Variants in DUSP4 observed in about 807,000 individuals in gnomAD.
The protein encoded by DUSP4 is dual specificity protein phosphatase 4.
DUSP4 carries 12 observed loss-of-function variants against 27.2 expected under a neutral mutation model. The observed-to-expected ratio is 0.44, with a 90% CI of 0.28 to 0.71. The LOEUF (loss-of-function observed/expected upper bound fraction) is 0.71, where lower values mean the gene tolerates loss of function less well. Ranked by LOEUF, DUSP4 falls within the 30% of genes least tolerant of loss-of-function variation. The pLI is 0.14. For missense variants in DUSP4, 448 were observed against 551.3 expected (o/e 0.81, Z 1.88); for synonymous variants, 257 against 245.2 (o/e 1.05, Z -0.45).
Position 29,336,879 on chromosome 8 carries a change from G to T in DUSP4, c.*147C>A. 8.4e-7 allele frequency: 1 copy of T among 1,187,838 alleles called. No individual in the cohort carries two copies. The highest frequency in any genetic ancestry group is 1.1e-6 in the Non-Finnish European group (1 of 877,216). The allele number at this position is 1,187,838 out of a possible 1,614,324, so 73.6% of individuals were successfully genotyped here. On this transcript the variant is annotated 3_prime_UTR_variant, in exon 4 of 4. Transcript: ENST00000240100. ...ATTCGGAGTCCTTATTGCCATTCTG[G>T]CTGGCCTCGTCGTTGGCCAAGGAGA... is the stretch of plus-strand genomic sequence containing the variant.
At chr8:29,341,923 A>G (rs1457684680) in intron 1 of DUSP4, among the ~76,000 whole-genome samples, 1 of 152,194 alleles carries the variant, frequency 6.6e-6, no homozygotes, top group Non-Finnish European at 1.5e-5. Context: ...TTGTTACTCT[A>G]TATACTTCTC....
chr8:29,350,452 C>T lies in DUSP4; in HGVS notation c.-174G>A, dbSNP rs773316305. The T allele has an allele frequency of 2.7e-4, 214 of 779,820 alleles. No individual in the cohort carries two copies. Among genetic ancestry groups the T allele is most frequent in the Non-Finnish European group, 3.8e-4 (198 of 517,674 alleles). The allele number at this position is 779,820 out of a possible 1,614,324, so 48.3% of individuals were successfully genotyped here. On this transcript the variant is annotated 5_prime_UTR_variant, in exon 1 of 4. Transcript: ENST00000240100. ...CTCTTCTTCCCTGTCCCCTTCCTCC[C>T]GCAGCCTCGCGGTCACATAGCAGTC...
Position 29,340,093 on chromosome 8 carries a change from T to C in DUSP4, c.579+5A>G. On this transcript the variant is annotated splice_donor_5th_base_variant and intron_variant, in intron 2 of 3. Coordinates refer to ENST00000240100, the MANE Select transcript of DUSP4 (RefSeq NM_001394.7). ...CCACTTCCAAGCCCTGCCCCCCGAG[T>C]CTACCTGGTCGTGTAGTGGGGTCCC... The C allele has an allele frequency of 6.4e-7, 1 of 1,562,120 alleles. No individual in the cohort carries two copies. Among genetic ancestry groups the C allele is most frequent in the Non-Finnish European group, 8.7e-7 (1 of 1,153,016 alleles).
rs1817548707 is a variant in DUSP4, at chr8:29,334,961, G to C, written c.*2065C>G. 6.6e-6 allele frequency: 1 copy of C among 152,208 alleles called. No homozygotes were observed. The highest frequency in any genetic ancestry group is 6.5e-5 in the Admixed American group (1 of 15,280). 9.4% of individuals were successfully genotyped at this position (152,208 alleles called of 1,614,324 possible). A position where few individuals can be genotyped will look rare whatever the true frequency, so the allele number is the denominator to read the frequency against. On this transcript the variant is annotated 3_prime_UTR_variant, in exon 4 of 4. Transcript: ENST00000240100. ...CAGGTTCATGGTTCATGGAAGGAAA[G>C]GTAACCAACCTTGTCCTGTCTAGGA...
In DUSP4 at chr8:29,344,695, G is replaced by A. The variant is rs967125785; in HGVS notation, c.434-4452C>T. On this transcript the variant is annotated intron_variant, in intron 1 of 3. Coordinates refer to ENST00000240100, the MANE Select transcript of DUSP4 (RefSeq NM_001394.7). ...TAGAAGCCCTCCACCACACTCCCCCGTCCCTTGCAGGAGTAGGAGATAATG... is the reference window on the plus strand; with the variant it reads ...TAGAAGCCCTCCACCACACTCCCCCATCCCTTGCAGGAGTAGGAGATAATG... Among the ~76,000 whole-genome samples, 4 of 152,210 alleles carry A rather than the reference G, an allele frequency of 2.6e-5. No homozygotes were observed. The South Asian group carries it at 8.3e-4, about 32-fold the overall frequency.
chr8:29,337,708 C>T lies in DUSP4; in HGVS notation c.800-297G>A, dbSNP rs897327647. ...TGGTGGCTCACTCCTGTAATCCCAG[C>T]GCTTTGGGAGGCCAAGGAGGGTGGA... On this transcript the variant is annotated intron_variant, in intron 3 of 3. Coordinates refer to ENST00000240100, the MANE Select transcript of DUSP4 (RefSeq NM_001394.7). The surrounding 1 kb of genome is among the most constrained non-coding windows in gnomAD (Gnocchi z 6.4). Among the ~76,000 whole-genome samples, 1 of 152,188 alleles carries T rather than the reference C, an allele frequency of 6.6e-6. No individual in the cohort carries two copies. Among genetic ancestry groups the T allele is most frequent in the Non-Finnish European group, 1.5e-5 (1 of 68,018 alleles).
intron 3 of DUSP4, 57 bp downstream of exon 3, chr8:29,338,225 T>C: frequency 6.4e-7 from 1 of 1,570,374 alleles, no homozygotes; most frequent in Non-Finnish European, 8.8e-7. Context: ...TTACAGGGGT[T>C]CCTTATCCTT....
chr8:29,346,939 C>T (rs890252657), intron 1 of DUSP4, among the ~76,000 whole-genome samples: 17 of 152,206 alleles, frequency 1.1e-4, no homozygotes, highest in East Asian at 3.8e-4. Context: ...TCTCCTAACC[C>T]CTCCAAGAAT....
chr8:29,342,070 G>A (rs376574845), intron 1 of DUSP4, among the ~76,000 whole-genome samples: 3 of 152,180 alleles, frequency 2.0e-5, no homozygotes, highest in African/African-American at 7.2e-5. Context: ...ACAAGCTATC[G>A]CCTGCACTCA....
intron 1 of DUSP4, chr8:29,345,620 CT>C (rs3215218): frequency 0.24 from 351,640 of 1,493,734 alleles, 46,625 homozygotes; most frequent in East Asian, 0.59. Context: ...CAAGGAATTT[CT>C]TGGCTCGGGA....
intron 1 of DUSP4, chr8:29,347,928 G>A (rs1046921512): frequency 5.1e-6 from 5 of 985,474 alleles, no homozygotes; most frequent in Non-Finnish European, 6.0e-6. Flanking sequence ...AATGCCGCGC[G>A]CCCTGGGGAT....
chr8:29,342,208 G>A (rs758771744), intron 1 of DUSP4, among the ~76,000 whole-genome samples: 6 of 152,200 alleles, frequency 3.9e-5, no homozygotes, highest in Non-Finnish European at 8.8e-5. Context: ...CCATTGCTGA[G>A]GGTATGGAAC....
rs772724709 is a variant in DUSP4, at chr8:29,340,167, C to T, written c.510G>A (p.Pro170=). 206 of 1,611,506 alleles carry T rather than the reference C, an allele frequency of 1.3e-4. No homozygotes were observed. Among genetic ancestry groups the T allele is most frequent in the Middle Eastern group, 9.9e-4 (6 of 6,048 alleles). ...AGGGCTCTGTGGCACTGGGGGGAAC[C>T]GGGGGTGGGATGGCTGCCAGGGCCT... ...KTKALAAIPP[P]VPPSATEPLD... is the part of the protein sequence containing the mutation. Residue 170 remains proline (P), a synonymous_variant, in exon 2 of 4, where the codon CCG becomes CCA. Transcript: ENST00000240100.
At position 29,337,275 on chromosome 8, in the gene DUSP4, C is replaced by T. The variant is rs1284880752; in HGVS notation, c.936G>A (p.Gln312=). 11 of 1,613,546 alleles carry T rather than the reference C, an allele frequency of 6.8e-6. No individual in the cohort carries two copies. The highest frequency in any genetic ancestry group is 9.3e-6 in the Non-Finnish European group (11 of 1,180,006). ...AGTTGGGCGAGATGATGCTGCGGCG[C>T]TGCTTAACGAACTCGAAGGCCTCCT... ...RLEEAFEFVK[Q]RRSIISPNFS... The change falls in exon 4 of 4, where the codon CAG becomes CAA. Residue 312 remains glutamine (Q), a synonymous_variant. Transcript: ENST00000240100. This position sits in a 1 kb window ranked among gnomAD's most constrained non-coding sequence, Gnocchi z 6.4.
In DUSP4 at chr8:29,334,939, G is replaced by C. The variant is rs1817547703; in HGVS notation, c.*2087C>G. ...GTCAGGATGAATGATGCCGTCACAG[G>C]TTCATGGTTCATGGAAGGAAAGGTA... On this transcript the variant is annotated 3_prime_UTR_variant, in exon 4 of 4. Transcript: ENST00000240100. 6.6e-6 allele frequency: 1 copy of C among 152,326 alleles called. No homozygotes were observed. Among genetic ancestry groups the C allele is most frequent in the Non-Finnish European group, 1.5e-5 (1 of 68,036 alleles). The allele number at this position is 152,326 out of a possible 1,614,324, so 9.4% of individuals were successfully genotyped here. A position where few individuals can be genotyped will look rare whatever the true frequency, so the allele number is the denominator to read the frequency against.
At chr8:29,349,139 T>G (rs1346016525) in intron 1 of DUSP4, among the ~76,000 whole-genome samples, 1 of 152,160 alleles carries the variant, frequency 6.6e-6, no homozygotes, top group African/African-American at 2.4e-5. Flanking sequence ...GTGATCATTC[T>G]CCGCTGCCCG....
At position 29,333,629 on chromosome 8, in the gene DUSP4, G is replaced by A. The variant is rs141525496; in HGVS notation, c.*3397C>T. ...GCTGTCACACCCAGCCTCCAACAGC[G>A]CCTTGACATCCAAAAAGCATGGCAG... On this transcript the variant is annotated 3_prime_UTR_variant, in exon 4 of 4. Transcript: ENST00000240100. 3.9e-3 allele frequency: 594 copies of A among 152,372 alleles called. 9 individuals carry two copies. Among genetic ancestry groups the A allele is most frequent in the African/African-American group, 0.014 (563 of 41,570 alleles). 9.4% of individuals were successfully genotyped at this position (152,372 alleles called of 1,614,324 possible). A position where few individuals can be genotyped will look rare whatever the true frequency, so the allele number is the denominator to read the frequency against.
rs773776161 is a variant in DUSP4 at position 29,337,093 on chromosome 8, C to A, written c.1118G>T (p.Gly373Val). The A allele has an allele frequency of 6.2e-7, 1 of 1,609,250 alleles. No individual in the cohort carries two copies. Among genetic ancestry groups the A allele is most frequent in the Non-Finnish European group, 8.5e-7 (1 of 1,177,948 alleles). Residue 373 changes from glycine to valine, a missense_variant, in exon 4 of 4, where the codon GGC becomes GTC. Physicochemically the swap from Gly to Val is moderately radical, Grantham distance 109 (BLOSUM62 -3). Around this residue, in one of 3 missense-constraint regions of DUSP4, gnomAD observed 100 missense variants for 139.8 expected, o/e 0.72. Coordinates refer to ENST00000240100, the MANE Select transcript of DUSP4 (RefSeq NM_001394.7). The surrounding 1 kb of genome is among the most constrained non-coding windows in gnomAD (Gnocchi z 6.4). ...CAGGCTGCTGGGGGCCGAGTGCACG[C>A]CCACGGAGACCGGAAAGCTGAAGAC... ...QFVFSFPVSV[G>V]VHSAPSSLPY...
At chr8:29,342,739 G>A (rs1399386111) in intron 1 of DUSP4, among the ~76,000 whole-genome samples, 2 of 152,232 alleles carry the variant, frequency 1.3e-5, no homozygotes, top group African/African-American at 4.8e-5. Context: ...CAGGCTAGAT[G>A]TGGCCTGAGA....
Sources: gnomAD v4.1 joint callset for allele counts (sites outside exome capture counted in the v4.1 genomes callset) on GRCh38, gnomAD v4.1.1 for gene constraint, gnomAD v4.1.1 regional missense constraint, Gnocchi (gnomAD v3.1) non-coding constraint, MANE v1.5 for transcripts, NCBI Gene and HGNC (gene_info 2026-07-23, HGNC 2026-07-21) for gene names.